The following DOCK10 variants were observed in gnomAD, a reference collection of about 807,000 sequenced individuals.
The protein encoded by DOCK10 is dedicator of cytokinesis protein 10.
In DOCK10, 145 loss-of-function variants were observed where a neutral mutation model predicts 280.1. That is an observed-to-expected ratio of 0.52 (90% CI 0.45 to 0.59). DOCK10 has a LOEUF of 0.59. DOCK10 is among the 20% of genes least tolerant of loss of function. DOCK10 has a pLI of 0.00. For synonymous variants in DOCK10, 915 were observed against 942.2 expected, an observed-to-expected ratio of 0.97 and a Z score of 0.53; for missense variants, 2,368 against 2,651.7, an observed-to-expected ratio of 0.89 and a Z score of 2.35.
At chr2:224,885,600 C>G in intron 7 of DOCK10, 71 bp downstream of exon 7, 1 of 1,450,222 alleles carries the variant, frequency 6.9e-7, no homozygotes, top group Admixed American at 2.5e-5. Flanking sequence ...ATCAGATACT[C>G]CATGAATATT....
intron 1 of DOCK10, among the ~76,000 whole-genome samples, chr2:225,038,110 CAAAAT>C (rs1690314862): frequency 1.3e-5 from 2 of 152,226 alleles, no homozygotes; most frequent in South Asian, 2.1e-4. Flanking sequence ...AAAACACAAA[CAAAAT>C]AAAAAGACTG....
chr2:224,997,173 C>G (rs1298752226), intron 1 of DOCK10, among the ~76,000 whole-genome samples: 1 of 152,028 alleles, frequency 6.6e-6, no homozygotes, highest in African/African-American at 2.4e-5. Context: ...TCAACACTGC[C>G]TTTGGGGTTG....
intron 3 of DOCK10, among the ~76,000 whole-genome samples, chr2:224,896,794 C>T (rs1700012429): frequency 6.6e-6 from 1 of 152,152 alleles, no homozygotes; most frequent in Non-Finnish European, 1.5e-5. Flanking sequence ...GGTCTTGTGC[C>T]TCTGGGGTGC....
rs142889871 is a variant in DOCK10, at chr2:224,987,522, T to C, written c.123+54730A>G. Among the ~76,000 whole-genome samples the C allele has an allele frequency of 4.6e-3, 707 of 152,174 alleles. 3 individuals carry two copies. Among genetic ancestry groups the C allele is most frequent in the Middle Eastern group, 0.024 (7 of 294 alleles). ...AATACCTAGCATAGGTGTCAGCACC[T>C]CAGTGGAACCCCTCACTATTTTGGC... On this transcript the variant is annotated intron_variant, in intron 1 of 55. Coordinates refer to ENST00000258390, the MANE Select transcript of DOCK10 (RefSeq NM_014689.3).
intron 53 of DOCK10, among the ~76,000 whole-genome samples, chr2:224,771,970 G>A (rs939315128): frequency 1.7e-4 from 25 of 151,386 alleles, no homozygotes; most frequent in Admixed American, 5.3e-4. Flanking sequence ...ACTGATGCTG[G>A]AGTGCAATGG....
At chr2:224,939,939 G>A (rs1702925422) in intron 1 of DOCK10, among the ~76,000 whole-genome samples, 1 of 152,052 alleles carries the variant, frequency 6.6e-6, no homozygotes, top group Non-Finnish European at 1.5e-5. Flanking sequence ...GGCCTATGTG[G>A]CACTCATCCT....
At chr2:225,022,340 G>A in intron 1 of DOCK10, among the ~76,000 whole-genome samples, 1 of 152,100 alleles carries the variant, frequency 6.6e-6, no homozygotes, top group Non-Finnish European at 1.5e-5. Context: ...TCCCTTATTG[G>A]ATCAAACTGA....
At chr2:224,975,833 G>T in intron 1 of DOCK10, among the ~76,000 whole-genome samples, 1 of 152,270 alleles carries the variant, frequency 6.6e-6, no homozygotes, top group East Asian at 1.9e-4. Flanking sequence ...TTCTACAAGT[G>T]GGGGACCCGA....
chr2:224,841,103 T>C (rs750864099), intron 23 of DOCK10, among the ~76,000 whole-genome samples: 1 of 152,070 alleles, frequency 6.6e-6, no homozygotes, highest in African/African-American at 2.4e-5. Context: ...TACCAGGGGC[T>C]AGGGAGGGGA....
In DOCK10 at chr2:224,848,880, G is replaced by A. The variant is rs1437013077; in HGVS notation, c.2235+627C>T. On this transcript the variant is annotated intron_variant, in intron 19 of 55. Coordinates refer to ENST00000258390, the MANE Select transcript of DOCK10 (RefSeq NM_014689.3). The stretch of plus-strand genomic sequence containing the variant: ...GCTATTTAACACAATCTCTTCACTA[G>A]TCAGTGAAATAAAAGAAAAAAAATT... Among the ~76,000 whole-genome samples, 7 of 152,090 alleles carry A rather than the reference G, an allele frequency of 4.6e-5. No homozygotes were observed. The East Asian group carries it at 1.3e-3, about 29-fold the overall frequency.
intron 11 of DOCK10, 45 bp downstream of exon 11, chr2:224,873,951 T>C (rs1168912849): frequency 7.7e-6 from 12 of 1,566,952 alleles, no homozygotes; most frequent in Non-Finnish European, 1.0e-5. Context: ...TAGGGTGGTG[T>C]AATGTTGGCT....
intron 4 of DOCK10, 40 bp downstream of exon 4, chr2:224,896,255 A>G (rs981434983): frequency 2.5e-6 from 3 of 1,197,610 alleles, no homozygotes; most frequent in Admixed American, 2.0e-5. Flanking sequence ...TGTCATCTAT[A>G]TTTGGAAAAG....
At chr2:225,005,772 C>G (rs1003732119) in intron 1 of DOCK10, among the ~76,000 whole-genome samples, 25 of 152,340 alleles carry the variant, frequency 1.6e-4, no homozygotes, top group African/African-American at 6.0e-4. Flanking sequence ...TATGGACAAA[C>G]TAATGTTAAA....
At chr2:224,826,473 C>T (rs2125360663) in intron 27 of DOCK10, among the ~76,000 whole-genome samples, 1 of 152,200 alleles carries the variant, frequency 6.6e-6, no homozygotes, top group African/African-American at 2.4e-5. Context: ...CACACTTACT[C>T]CTTGGATGAT....
rs145340862 is a variant in DOCK10 at position 224,834,025 on chromosome 2, T to G, written c.2964+125A>C. The stretch of plus-strand genomic sequence containing the variant: ...TATCTTTATATGCTAAGTTTCAATA[T>G]GAACCTTATGCTGGAAACTGCAAGA... On this transcript the variant is annotated intron_variant, in intron 26 of 55. Transcript: ENST00000258390. The G allele has an allele frequency of 4.9e-3, 3,101 of 629,802 alleles. 14 individuals carry two copies. Among genetic ancestry groups the G allele is most frequent in the South Asian group, 0.01 (508 of 49,094 alleles). 39.0% of individuals were successfully genotyped at this position (629,802 alleles called of 1,614,324 possible).
At chr2:224,874,410 T>A in intron 9 of DOCK10, 61 bp from the exon 10 acceptor site, 1 of 1,315,680 alleles carries the variant, frequency 7.6e-7, no homozygotes, top group South Asian at 1.3e-5. Context: ...CCCTGACACA[T>A]CCACATGGCC....
At chr2:224,901,669 TC>T (rs1700306249) in intron 3 of DOCK10, among the ~76,000 whole-genome samples, 1 of 152,208 alleles carries the variant, frequency 6.6e-6, no homozygotes, top group Non-Finnish European at 1.5e-5. Context: ...ATCCACGGAA[TC>T]AGAATCTCTA....
chr2:225,032,155 A>G (rs10202487), intron 1 of DOCK10, among the ~76,000 whole-genome samples: 34,595 of 152,034 alleles, frequency 0.23, 4,109 homozygotes, highest in Non-Finnish European at 0.23. Flanking sequence ...AGATCTCCCC[A>G]GATTTTTAGG....
chr2:225,000,590 C>T (rs997885770), intron 1 of DOCK10, among the ~76,000 whole-genome samples: 7 of 152,012 alleles, frequency 4.6e-5, no homozygotes, highest in Admixed American at 1.3e-4. Context: ...AACAGTAGGG[C>T]GGGAAAAAGG....
Sources: gnomAD v4.1 joint callset for allele counts (sites outside exome capture counted in the v4.1 genomes callset) on GRCh38, gnomAD v4.1.1 for gene constraint, MANE v1.5 for transcripts, NCBI Gene and HGNC (gene_info 2026-07-23, HGNC 2026-07-21) for gene names.